LRRC8B: variants seen among roughly 807,000 people sequenced by gnomAD.
LRRC8B encodes the protein leucine rich repeat containing 8 VRAC subunit B.
In LRRC8B, 23 loss-of-function variants were observed where a neutral mutation model predicts 58.8. That is an observed-to-expected ratio of 0.39 (90% CI 0.28 to 0.55). The LOEUF is 0.55. Among genes scored for constraint, LRRC8B ranks in the 20% least tolerant of loss-of-function variants. The probability of loss-of-function intolerance (pLI) is 0.62; values close to 1 mark genes in which losing one functional copy is unlikely to be tolerated. For missense variants in LRRC8B, 694 were observed against 936.0 expected, an observed-to-expected ratio of 0.74 and a Z score of 3.37; for synonymous variants, 359 against 374.1, an observed-to-expected ratio of 0.96 and a Z score of 0.47.
chr1:89,591,566 A>T (rs1654977146), intron 5 of LRRC8B, among the ~76,000 whole-genome samples: 1 of 152,220 alleles, frequency 6.6e-6, no homozygotes, highest in Non-Finnish European at 1.5e-5. Flanking sequence ...TTAAGGATAT[A>T]CAGCACTGAA....
rs1275798497 is a variant in LRRC8B, at chr1:89,568,500, T to G, written c.-125+7T>G. On this transcript the variant is annotated splice_region_variant and intron_variant, in intron 3 of 5. Coordinates refer to ENST00000330947, the MANE Select transcript of LRRC8B (RefSeq NM_001369817.2). Reference sequence around the variant, plus strand: ...GTTGACCAGCATTCATAGGGTAAGATTAACATCCTGAATTGTAAACACATG... The same window carrying G: ...GTTGACCAGCATTCATAGGGTAAGAGTAACATCCTGAATTGTAAACACATG... 6.6e-6 allele frequency: 1 copy of G among 152,148 alleles called. No homozygotes were observed. The highest frequency in any genetic ancestry group is 1.5e-5 in the Non-Finnish European group (1 of 68,000). 9.4% of individuals were successfully genotyped at this position (152,148 alleles called of 1,614,324 possible). A position where few individuals can be genotyped will look rare whatever the true frequency, so the allele number is the denominator to read the frequency against.
chr1:89,595,333 G>C lies in LRRC8B; in HGVS notation c.*2290G>C, dbSNP rs2101125211. The C allele has an allele frequency of 6.6e-6, 1 of 152,212 alleles. No homozygotes were observed. Among genetic ancestry groups the C allele is most frequent in the South Asian group, 2.1e-4 (1 of 4,830 alleles). The allele number at this position is 152,212 out of a possible 1,614,324, so 9.4% of individuals were successfully genotyped here. ...TAGTGTTTCACAATAGAATTATCATGTATACTGATTCCAGTGTGGCATGTG... is the reference window on the plus strand; with the variant it reads ...TAGTGTTTCACAATAGAATTATCATCTATACTGATTCCAGTGTGGCATGTG... On this transcript the variant is annotated 3_prime_UTR_variant, in exon 6 of 6. Coordinates refer to ENST00000330947, the MANE Select transcript of LRRC8B (RefSeq NM_001369817.2).
chr1:89,557,623 A>G (rs1332343766), intron 1 of LRRC8B, among the ~76,000 whole-genome samples: 6 of 152,232 alleles, frequency 3.9e-5, no homozygotes, highest in East Asian at 3.9e-4. Context: ...TCCAGTGTTC[A>G]TTTTCCACAC....
rs1413688715 is a variant in LRRC8B at position 89,595,756 on chromosome 1, G to T, written c.*2713G>T. The T allele has an allele frequency of 6.6e-6, 1 of 152,060 alleles. No homozygotes were observed. The highest frequency in any genetic ancestry group is 1.5e-5 in the Non-Finnish European group (1 of 67,970). 9.4% of individuals were successfully genotyped at this position (152,060 alleles called of 1,614,324 possible). A position where few individuals can be genotyped will look rare whatever the true frequency, so the allele number is the denominator to read the frequency against. On this transcript the variant is annotated 3_prime_UTR_variant, in exon 6 of 6. Coordinates refer to ENST00000330947, the MANE Select transcript of LRRC8B (RefSeq NM_001369817.2). ...GCTACTACTTCACATAAAAAATAGG[G>T]TGTTAATACCACCTTTACTGTACTG...
At chr1:89,570,512 GTCT>G (rs893352866) in intron 3 of LRRC8B, among the ~76,000 whole-genome samples, 2 of 152,136 alleles carry the variant, frequency 1.3e-5, no homozygotes, top group Non-Finnish European at 2.9e-5. Context: ...CCATGTGTAT[GTCT>G]TCTTTTGAGT....
At position 89,539,273 on chromosome 1, in the gene LRRC8B, T is replaced by G. The variant is rs1650773692; in HGVS notation, c.-241+14251T>G. Reference sequence around the variant, plus strand: ...CATATTGCCCTCTCCGCCCCCCATATTTGGGTATTTCTAGCCTACTTTTTC... The same window carrying G: ...CATATTGCCCTCTCCGCCCCCCATAGTTGGGTATTTCTAGCCTACTTTTTC... On this transcript the variant is annotated intron_variant, in intron 1 of 5. Coordinates refer to ENST00000330947, the MANE Select transcript of LRRC8B (RefSeq NM_001369817.2). Among the ~76,000 whole-genome samples, 3 of 151,482 alleles carry G rather than the reference T, an allele frequency of 2.0e-5. No individual in the cohort carries two copies. The South Asian group carries it at 6.3e-4, about 32-fold the overall frequency.
chr1:89,570,426 T>G (rs1001718582), intron 3 of LRRC8B, among the ~76,000 whole-genome samples: 2 of 152,212 alleles, frequency 1.3e-5, no homozygotes, highest in African/African-American at 4.8e-5. Flanking sequence ...TGGTGTGAGA[T>G]GGTGTCTCAT....
chr1:89,572,753 C>G (rs1653558641), intron 3 of LRRC8B: 1 of 152,070 alleles, frequency 6.6e-6, no homozygotes, highest in African/African-American at 2.4e-5. Context: ...TTTGAGGTTG[C>G]CTTCTATTTA....
intron 3 of LRRC8B, among the ~76,000 whole-genome samples, chr1:89,575,883 C>A (rs1653809396): frequency 1.3e-5 from 2 of 152,028 alleles, no homozygotes; most frequent in Non-Finnish European, 2.9e-5. Flanking sequence ...TCTTTGCTTT[C>A]TTTTTAAACA....
At chr1:89,591,577 C>T (rs941544684) in intron 5 of LRRC8B, among the ~76,000 whole-genome samples, 3 of 152,100 alleles carry the variant, frequency 2.0e-5, no homozygotes, top group Non-Finnish European at 2.9e-5. Context: ...CAGCACTGAA[C>T]GTGTGTTAGA....
chr1:89,557,664 C>T (rs1158747339), intron 1 of LRRC8B, among the ~76,000 whole-genome samples: 1 of 152,256 alleles, frequency 6.6e-6, no homozygotes, highest in African/African-American at 2.4e-5. Flanking sequence ...CCCTGCTTCT[C>T]ACTCTCACTA....
At chr1:89,541,440 G>A (rs138641768) in intron 1 of LRRC8B, among the ~76,000 whole-genome samples, 5,025 of 151,674 alleles carry the variant, frequency 0.033, 121 homozygotes, top group Non-Finnish European at 0.049. Flanking sequence ...GGCCGGGCGC[G>A]GTGGCTCACG....
chr1:89,555,999 T>C (rs1009044772), intron 1 of LRRC8B, among the ~76,000 whole-genome samples: 8 of 152,200 alleles, frequency 5.3e-5, no homozygotes, highest in African/African-American at 1.9e-4. Flanking sequence ...GGTAACTCAC[T>C]GTAGGCACCT....
Position 89,592,810 on chromosome 1 carries a change from C to T in LRRC8B, c.2179C>T (p.Leu727=). ...AGATGGGCTGTTTCAGTGCAAAAAG[C>T]TGCAGTGTTTACTTTTGGGGAAAAA... ...LPDGLFQCKK[L]QCLLLGKNSL... The change falls in exon 6 of 6, where the codon CTG becomes TTG. Residue 727 remains leucine (L), a synonymous_variant. Coordinates refer to ENST00000330947, the MANE Select transcript of LRRC8B (RefSeq NM_001369817.2). 1 of 1,613,920 alleles carries T rather than the reference C, an allele frequency of 6.2e-7. No homozygotes were observed. Among genetic ancestry groups the T allele is most frequent in the Non-Finnish European group, 8.5e-7 (1 of 1,179,978 alleles).
chr1:89,530,281 C>A (rs955646369), intron 1 of LRRC8B, among the ~76,000 whole-genome samples: 1 of 151,718 alleles, frequency 6.6e-6, no homozygotes, highest in Non-Finnish European at 1.5e-5. Context: ...ATGGCGTGAA[C>A]CCGGGAGGCG....
At chr1:89,543,931 T>C (rs916291633) in intron 1 of LRRC8B, among the ~76,000 whole-genome samples, 1 of 151,974 alleles carries the variant, frequency 6.6e-6, no homozygotes, top group Non-Finnish European at 1.5e-5. Context: ...GGGACCACAG[T>C]TGCATGCCAC....
intron 1 of LRRC8B, among the ~76,000 whole-genome samples, chr1:89,546,683 A>G: frequency 6.6e-6 from 1 of 152,346 alleles, no homozygotes; most frequent in Middle Eastern, 3.4e-3. Context: ...ATAATCACAA[A>G]GGCATCTGAC....
At chr1:89,547,653 T>G (rs1651506866) in intron 1 of LRRC8B, among the ~76,000 whole-genome samples, 1 of 152,214 alleles carries the variant, frequency 6.6e-6, no homozygotes. Context: ...GCACTTATTT[T>G]GTAAATGGTT....
rs567003454 is a variant in LRRC8B at position 89,555,948 on chromosome 1, T to G, written c.-240-12299T>G. On this transcript the variant is annotated intron_variant, in intron 1 of 5. Coordinates refer to ENST00000330947, the MANE Select transcript of LRRC8B (RefSeq NM_001369817.2). ...TGATAAGAGTGTCCTTTGTTATTCA[T>G]AGCGAGCCCCTGTTAACCATACCTA... 2.0e-5 allele frequency among the ~76,000 whole-genome samples: 3 copies of G among 152,326 alleles called. No individual in the cohort carries two copies. The East Asian group carries it at 5.8e-4, about 29-fold the overall frequency.
Sources: allele counts gnomAD v4.1 joint callset (sites outside exome capture counted in the v4.1 genomes callset), GRCh38; gene constraint gnomAD v4.1.1; transcripts MANE v1.5; gene names NCBI Gene and HGNC (gene_info 2026-07-23, HGNC 2026-07-21).